LAPTM4A: variants seen among roughly 807,000 people sequenced by gnomAD.
LAPTM4A encodes lysosomal protein transmembrane 4 alpha, also known as lysosomal-associated transmembrane protein 4A.
LAPTM4A carries 19 observed loss-of-function variants against 29.9 expected under a neutral mutation model. That is an observed-to-expected ratio of 0.64 (90% confidence interval 0.44 to 0.93). The LOEUF is 0.93. Among genes scored for constraint, LAPTM4A ranks in the 40% least tolerant of loss-of-function variants. The pLI is 0.00. For synonymous variants in LAPTM4A, 105 were observed against 102.1 expected, an observed-to-expected ratio of 1.03 and a Z score of -0.17; for missense variants, 293 against 288.5, an observed-to-expected ratio of 1.02 and a Z score of -0.11.
intron 1 of LAPTM4A, among the ~76,000 whole-genome samples, chr2:20,042,225 A>AAC (rs965928131): frequency 2.6e-5 from 4 of 152,140 alleles, no homozygotes; most frequent in Admixed American, 2.6e-4. Context: ...TTAGCCTCCC[A>AAC]ACATGCTGTG....
chr2:20,048,169 CCATTAAT>C (rs1229721830), intron 1 of LAPTM4A, among the ~76,000 whole-genome samples: 2 of 152,150 alleles, frequency 1.3e-5, no homozygotes, highest in Non-Finnish European at 2.9e-5. Context: ...GTAGTGCACA[CCATTAAT>C]CACAAAGTAT....
At chr2:20,043,007 T>A (rs1673834999) in intron 1 of LAPTM4A, among the ~76,000 whole-genome samples, 1 of 152,174 alleles carries the variant, frequency 6.6e-6, no homozygotes, top group East Asian at 1.9e-4. Context: ...TAGCGCAATC[T>A]CGGCTCACTG....
intron 1 of LAPTM4A, among the ~76,000 whole-genome samples, chr2:20,045,123 A>T (rs1293065188): frequency 1.3e-5 from 2 of 152,226 alleles, no homozygotes; most frequent in Non-Finnish European, 2.9e-5. Flanking sequence ...TCTCTGATTA[A>T]AGTTGATATT....
intron 1 of LAPTM4A, among the ~76,000 whole-genome samples, chr2:20,047,738 A>G (rs563348341): frequency 1.3e-5 from 2 of 151,760 alleles, no homozygotes; most frequent in Admixed American, 6.6e-5. Flanking sequence ...AAAACATGTG[A>G]GCTAACCATT....
At chr2:20,038,419 T>C (rs1035229655) in intron 2 of LAPTM4A, among the ~76,000 whole-genome samples, 5 of 152,212 alleles carry the variant, frequency 3.3e-5, no homozygotes. Flanking sequence ...TCTGTGACTC[T>C]GGACAGTTTT....
At chr2:20,043,521 C>G (rs780264965) in intron 1 of LAPTM4A, among the ~76,000 whole-genome samples, 2 of 152,076 alleles carry the variant, frequency 1.3e-5, no homozygotes, top group African/African-American at 4.8e-5. Flanking sequence ...GGCCAGCTAT[C>G]GATAGTATTT....
At chr2:20,041,256 A>G (rs1337062420) in intron 1 of LAPTM4A, among the ~76,000 whole-genome samples, 1 of 152,190 alleles carries the variant, frequency 6.6e-6, no homozygotes, top group Non-Finnish European at 1.5e-5. Flanking sequence ...TAACCAATAC[A>G]CCAGAAAAAA....
chr2:20,049,166 TGA>T (rs1674000800), intron 1 of LAPTM4A, among the ~76,000 whole-genome samples: 1 of 152,218 alleles, frequency 6.6e-6, no homozygotes, highest in Non-Finnish European at 1.5e-5. Flanking sequence ...AAGAAACATT[TGA>T]GAGTCTAGCA....
intron 1 of LAPTM4A, among the ~76,000 whole-genome samples, chr2:20,047,606 C>T (rs1355876098): frequency 6.7e-6 from 1 of 148,870 alleles, no homozygotes; most frequent in Non-Finnish European, 1.5e-5. Flanking sequence ...AGGAGAATGG[C>T]GTGAACCCGG....
intron 4 of LAPTM4A, 62 bp downstream of exon 4, chr2:20,037,254 T>C (rs1352171476): frequency 1.4e-6 from 2 of 1,385,662 alleles, no homozygotes; most frequent in Non-Finnish European, 2.0e-6. Flanking sequence ...GATTCAGAAT[T>C]TAAATGTAAA....
At position 20,040,346 on chromosome 2, in the gene LAPTM4A, A is replaced by G. The variant is rs1175951642; in HGVS notation, c.232+545T>C. Among the ~76,000 whole-genome samples the G allele has an allele frequency of 2.0e-5, 3 of 152,244 alleles. No individual in the cohort carries two copies. The East Asian group carries it at 5.8e-4, about 29-fold the overall frequency. On this transcript the variant is annotated intron_variant, in intron 2 of 6. Coordinates refer to ENST00000175091, the MANE Select transcript of LAPTM4A (RefSeq NM_014713.5). ...CTAGAAATGCTCTATTGTAATCCTC[A>G]CTGAATCTCTCTGAAAAACCCATCA...
chr2:20,049,459 G>A (rs753993590), intron 1 of LAPTM4A, among the ~76,000 whole-genome samples: 8 of 152,188 alleles, frequency 5.3e-5, no homozygotes, highest in East Asian at 3.8e-4. Context: ...CTTAAAGTAG[G>A]GAACAGATGT....
At chr2:20,036,174 G>A (rs537947711) in intron 4 of LAPTM4A, among the ~76,000 whole-genome samples, 7 of 99,064 alleles carry the variant, frequency 7.1e-5, no homozygotes, top group South Asian at 4.3e-4. Context: ...GCCGCTGACC[G>A]TGGCTGACCA....
At chr2:20,048,812 G>A (rs1673994093) in intron 1 of LAPTM4A, among the ~76,000 whole-genome samples, 1 of 152,180 alleles carries the variant, frequency 6.6e-6, no homozygotes, top group African/African-American at 2.4e-5. Flanking sequence ...TCTTAGTAAA[G>A]CAGCTTCTGA....
intron 4 of LAPTM4A, among the ~76,000 whole-genome samples, chr2:20,035,420 G>A (rs1673659402): frequency 1.3e-5 from 2 of 152,180 alleles, no homozygotes; most frequent in Admixed American, 1.3e-4. Flanking sequence ...CTCAGGAGAT[G>A]CTCAGTTCTG....
intron 4 of LAPTM4A, among the ~76,000 whole-genome samples, chr2:20,036,168 CT>C (rs1186751077): frequency 1.5e-5 from 2 of 129,568 alleles, no homozygotes; most frequent in Non-Finnish European, 3.2e-5. Context: ...ACAGAAGCCG[CT>C]GACCGTGGCT....
intron 5 of LAPTM4A, 76 bp downstream of exon 5, chr2:20,034,891 A>C: frequency 9.9e-7 from 1 of 1,007,660 alleles, no homozygotes; most frequent in South Asian, 1.4e-5. Context: ...GTGACTTGTA[A>C]GGTGAAAGGC....
At position 20,051,521 on chromosome 2, in the gene LAPTM4A, C is replaced by T. The variant is rs765467928; in HGVS notation, c.-1G>A. 6 of 1,584,744 alleles carry T rather than the reference C, an allele frequency of 3.8e-6. No individual in the cohort carries two copies. The South Asian group carries it at 6.8e-5, about 18-fold the overall frequency. On this transcript the variant is annotated 5_prime_UTR_variant, in exon 1 of 7. Coordinates refer to ENST00000175091, the MANE Select transcript of LAPTM4A (RefSeq NM_014713.5). ...TCCGCTTGAAACTCATGGACACCAT[C>T]GTAACAGGCGGGCCTCCTTCTTGGC...
At chr2:20,043,530 T>C (rs1673852718) in intron 1 of LAPTM4A, among the ~76,000 whole-genome samples, 1 of 152,178 alleles carries the variant, frequency 6.6e-6, no homozygotes, top group Non-Finnish European at 1.5e-5. Flanking sequence ...TCGATAGTAT[T>C]TTAAACAAAC....
Sources: allele counts gnomAD v4.1 joint callset (sites outside exome capture counted in the v4.1 genomes callset), GRCh38; gene constraint gnomAD v4.1.1; transcripts MANE v1.5; gene names NCBI Gene and HGNC (gene_info 2026-07-23, HGNC 2026-07-21).